PDE3A: variants seen among roughly 807,000 people sequenced by gnomAD.
The protein encoded by PDE3A is cGMP-inhibited 3',5'-cyclic phosphodiesterase 3A.
In PDE3A, 43 loss-of-function variants were observed where a neutral mutation model predicts 98.3. That is an observed-to-expected ratio of 0.44 (90% CI 0.34 to 0.56). The LOEUF is 0.56. Ranked by LOEUF, PDE3A falls within the 20% of genes least tolerant of loss-of-function variation. PDE3A has a pLI of 0.01. For missense variants in PDE3A, 1,427 were observed against 1,440.7 expected (o/e 0.99, Z 0.15); for synonymous variants, 663 against 567.9 (o/e 1.17, Z -2.38).
chr12:20,485,390 T>C (rs1304797613), intron 1 of PDE3A, among the ~76,000 whole-genome samples: 2 of 152,208 alleles, frequency 1.3e-5, no homozygotes, highest in Non-Finnish European at 2.9e-5. Flanking sequence ...TGACCCTATT[T>C]TCAAATAAGG....
intron 1 of PDE3A, among the ~76,000 whole-genome samples, chr12:20,510,759 G>T (rs950685647): frequency 6.6e-6 from 1 of 152,078 alleles, no homozygotes; most frequent in East Asian, 1.9e-4. Flanking sequence ...AGGGCCTGAA[G>T]TTGAGGAAGA....
intron 10 of PDE3A, among the ~76,000 whole-genome samples, chr12:20,642,537 C>T (rs987313928): frequency 1.3e-5 from 2 of 152,140 alleles, no homozygotes; most frequent in African/African-American, 2.4e-5. Context: ...ATTCATTCAT[C>T]GATCCAGTTA....
intron 2 of PDE3A, among the ~76,000 whole-genome samples, chr12:20,612,481 A>G (rs1020793380): frequency 3.3e-5 from 5 of 150,930 alleles, no homozygotes; most frequent in African/African-American, 1.2e-4. Context: ...TTGGCAGTCT[A>G]TGAATTCATA....
At position 20,682,446 on chromosome 12, in the gene PDE3A, T is replaced by C. The variant is rs879220038; in HGVS notation, c.*2175T>C. ...CAATAATTCATGGCATTTTAAAAAA[T>C]AAGGCAAAGATAATACGACAAAAAA... On this transcript the variant is annotated 3_prime_UTR_variant, in exon 16 of 16. Transcript: ENST00000359062. 1 of 152,136 alleles carries C rather than the reference T, an allele frequency of 6.6e-6. No individual in the cohort carries two copies. The highest frequency in any genetic ancestry group is 2.1e-4 in the South Asian group (1 of 4,832). The allele number at this position is 152,136 out of a possible 1,614,324, so 9.4% of individuals were successfully genotyped here.
intron 1 of PDE3A, among the ~76,000 whole-genome samples, chr12:20,538,519 G>A (rs1440919798): frequency 1.3e-5 from 2 of 152,090 alleles, no homozygotes; most frequent in African/African-American, 4.8e-5. Flanking sequence ...GGGGGAAATA[G>A]TTTCCTAGCT....
chr12:20,411,164 TTGGTCATTTTTAAG>T (rs1354031596), intron 1 of PDE3A, among the ~76,000 whole-genome samples: 1 of 152,226 alleles, frequency 6.6e-6, no homozygotes, highest in Non-Finnish European at 1.5e-5. Flanking sequence ...GTTTACCATC[TTGGTCATTTTTAAG>T]TGCACATTTT....
chr12:20,629,848 A>G (rs776748892), intron 5 of PDE3A, 60 bp from the exon 6 acceptor site: 237 of 1,276,138 alleles, frequency 1.9e-4, no homozygotes, highest in Non-Finnish European at 1.5e-4. Flanking sequence ...GAAGTTCAAC[A>G]GTTGCAATTT....
intron 1 of PDE3A, among the ~76,000 whole-genome samples, chr12:20,386,192 T>A (rs866909098): frequency 3.6e-4 from 26 of 72,294 alleles, no homozygotes; most frequent in African/African-American, 6.4e-4. Flanking sequence ...TAAATATATA[T>A]AAATATATAA....
intron 1 of PDE3A, among the ~76,000 whole-genome samples, chr12:20,475,178 AGTGTGTGTGTGT>A (rs71442249): frequency 5.4e-5 from 5 of 92,498 alleles, no homozygotes; most frequent in African/African-American, 1.6e-4. Flanking sequence ...AATGTGTGTG[AGTGTGTGTGTGT>A]GTGTGTGTGT....
chr12:20,654,738 T>C (rs1351000780), intron 15 of PDE3A, among the ~76,000 whole-genome samples: 2 of 146,568 alleles, frequency 1.4e-5, no homozygotes, highest in Non-Finnish European at 3.0e-5. Context: ...GGTCTCGATC[T>C]CCTGACCTTG....
At chr12:20,528,409 T>C (rs767278448) in intron 1 of PDE3A, among the ~76,000 whole-genome samples, 2 of 152,196 alleles carry the variant, frequency 1.3e-5, no homozygotes, top group Non-Finnish European at 2.9e-5. Context: ...GGAGGAATGA[T>C]GACACTTTGA....
chr12:20,592,912 G>A (rs1943373552), intron 2 of PDE3A, among the ~76,000 whole-genome samples: 1 of 151,368 alleles, frequency 6.6e-6, no homozygotes, highest in African/African-American at 2.4e-5. Flanking sequence ...TGTGTTAGAA[G>A]GCAATTAGAG....
At position 20,681,094 on chromosome 12, in the gene PDE3A, A is replaced by G. The variant is rs915859520; in HGVS notation, c.*823A>G. 12 of 152,024 alleles carry G rather than the reference A, an allele frequency of 7.9e-5. No homozygotes were observed. The highest frequency in any genetic ancestry group is 2.9e-4 in the African/African-American group (12 of 41,356). The allele number at this position is 152,024 out of a possible 1,614,324, so 9.4% of individuals were successfully genotyped here. A position where few individuals can be genotyped will look rare whatever the true frequency, so the allele number is the denominator to read the frequency against. On this transcript the variant is annotated 3_prime_UTR_variant, in exon 16 of 16. Coordinates refer to ENST00000359062, the MANE Select transcript of PDE3A (RefSeq NM_000921.5). ...AAAGGGCCTTTTGCTGATGGAGGGC[A>G]CTCAAGGGCTGGGTGAGAGGGCCAC...
At chr12:20,435,695 A>G (rs1024309756) in intron 1 of PDE3A, among the ~76,000 whole-genome samples, 2 of 152,094 alleles carry the variant, frequency 1.3e-5, no homozygotes, top group Non-Finnish European at 2.9e-5. Context: ...TGGTAATTCT[A>G]TTTGCTCTGC....
chr12:20,447,592 GTACAAC>G (rs1383528327), intron 1 of PDE3A, among the ~76,000 whole-genome samples: 1 of 152,178 alleles, frequency 6.6e-6, no homozygotes, highest in East Asian at 1.9e-4. Context: ...CTAGAAGGTG[GTACAAC>G]CACCCAGGGA....
intron 1 of PDE3A, among the ~76,000 whole-genome samples, chr12:20,464,427 A>G (rs1230398590): frequency 1.3e-5 from 2 of 152,174 alleles, no homozygotes; most frequent in Admixed American, 6.5e-5. Flanking sequence ...CGCTTTTTAT[A>G]TCAATAACTT....
At chr12:20,623,817 T>A (rs1184007872) in intron 5 of PDE3A, among the ~76,000 whole-genome samples, 1 of 151,858 alleles carries the variant, frequency 6.6e-6, no homozygotes. Flanking sequence ...TAGAAAGAAT[T>A]TATGATGGAT....
At chr12:20,487,549 A>T (rs887064641) in intron 1 of PDE3A, among the ~76,000 whole-genome samples, 1 of 142,682 alleles carries the variant, frequency 7.0e-6, no homozygotes, top group Non-Finnish European at 1.5e-5. Context: ...GCTACTTGGG[A>T]GGCTGAGGTG....
At chr12:20,554,149 G>T (rs1335489213) in intron 1 of PDE3A, among the ~76,000 whole-genome samples, 4 of 150,112 alleles carry the variant, frequency 2.7e-5, no homozygotes, top group Non-Finnish European at 5.9e-5. Context: ...ACCAAAGTTT[G>T]CAGCCTATAC....
Sources: allele counts gnomAD v4.1 joint callset (sites outside exome capture counted in the v4.1 genomes callset), GRCh38; gene constraint gnomAD v4.1.1; transcripts MANE v1.5; gene names NCBI Gene and HGNC (gene_info 2026-07-23, HGNC 2026-07-21).